AGTPBP1: variants seen among roughly 807,000 people sequenced by gnomAD.
AGTPBP1 encodes ATP/GTP binding carboxypeptidase 1, also known as cytosolic carboxypeptidase 1.
Under a neutral mutation model 143.9 loss-of-function variants are expected in AGTPBP1, and 70 were observed. That is an observed-to-expected ratio of 0.49 (90% CI 0.40 to 0.59). The LOEUF (loss-of-function observed/expected upper bound fraction) is 0.59, where lower values mean the gene tolerates loss of function less well. Ranked by LOEUF, AGTPBP1 falls within the 20% of genes least tolerant of loss-of-function variation. The pLI, the probability that AGTPBP1 is intolerant of heterozygous loss-of-function variation, is 0.00. For missense variants in AGTPBP1, 1,229 were observed against 1,464.5 expected, an observed-to-expected ratio of 0.84 and a Z score of 2.62; for synonymous variants, 463 against 500.2, an observed-to-expected ratio of 0.93 and a Z score of 0.99.
In AGTPBP1 at chr9:85,679,356, G is replaced by A. The variant is rs369697095; in HGVS notation, c.226-958C>T. Among the ~76,000 whole-genome samples, 10 of 151,984 alleles carry A rather than the reference G, an allele frequency of 6.6e-5. 1 individual carries two copies. The highest frequency in any genetic ancestry group is 2.4e-4 in the African/African-American group (10 of 41,436). On this transcript the variant is annotated intron_variant, in intron 4 of 25. Coordinates refer to ENST00000357081, the MANE Select transcript of AGTPBP1 (RefSeq NM_001330701.2). ...TGAGAACTGAGCATAGCCTTTACAT[G>A]GTTTTTGAAGTGTTTTTTTTTGTTG...
chr9:85,775,491 AG>A, the AGTPBP1 span, among the ~76,000 whole-genome samples: 1 of 148,802 alleles, frequency 6.7e-6, no homozygotes, highest in South Asian at 2.1e-4. Context: ...GGATCTCTAA[AG>A]GGACAGAATA....
At chr9:85,631,579 A>C (rs117496057) in intron 14 of AGTPBP1, among the ~76,000 whole-genome samples, 2,512 of 152,308 alleles carry the variant, frequency 0.016, 33 homozygotes, top group Admixed American at 0.025. Flanking sequence ...ACGTCTGTGG[A>C]TCAAGGGGCC....
chr9:85,556,982 A>AC (rs1478923223), intron 25 of AGTPBP1, among the ~76,000 whole-genome samples: 1 of 152,186 alleles, frequency 6.6e-6, no homozygotes, highest in Admixed American at 6.5e-5. Flanking sequence ...ATGGAATCCT[A>AC]CAACCAGCAA....
Position 85,592,607 on chromosome 9 carries a change from C to T in AGTPBP1, c.2521G>A (p.Val841Ile). ...FTVNFPHKDD[V>I]CYFAYHYPYT... ...GGATAGTGATAAGCAAAGTAGCAAACATCATCTTTATGTGGAAAATTGACA... is the reference window on the plus strand; with the variant it reads ...GGATAGTGATAAGCAAAGTAGCAAATATCATCTTTATGTGGAAAATTGACA... Residue 841 changes from valine (V) to isoleucine (I), a missense_variant, in exon 19 of 26, where the codon GTT (valine) becomes ATT (isoleucine). Physicochemically the swap from Val to Ile is conservative, Grantham distance 29 (BLOSUM62 3). Coordinates refer to ENST00000357081, the MANE Select transcript of AGTPBP1 (RefSeq NM_001330701.2). The T allele has an allele frequency of 6.2e-7, 1 of 1,611,814 alleles. No individual in the cohort carries two copies. Among genetic ancestry groups the T allele is most frequent in the Non-Finnish European group, 8.5e-7 (1 of 1,179,118 alleles).
At chr9:85,664,855 T>C (rs909894968) in intron 8 of AGTPBP1, among the ~76,000 whole-genome samples, 2 of 152,180 alleles carry the variant, frequency 1.3e-5, no homozygotes, top group African/African-American at 4.8e-5. Flanking sequence ...CAATGCAATA[T>C]GTTTCTTACC....
chr9:85,663,965 C>G (rs959096196), intron 8 of AGTPBP1, among the ~76,000 whole-genome samples: 1 of 152,088 alleles, frequency 6.6e-6, no homozygotes, highest in African/African-American at 2.4e-5. Flanking sequence ...GTGACTACTA[C>G]TCAACAATAA....
At chr9:85,722,358 T>G (rs1308533673) in intron 1 of AGTPBP1, among the ~76,000 whole-genome samples, 1 of 152,232 alleles carries the variant, frequency 6.6e-6, no homozygotes, top group Non-Finnish European at 1.5e-5. Context: ...TCTTGGAGGC[T>G]TTCTTCGTTT....
the AGTPBP1 span, among the ~76,000 whole-genome samples, chr9:85,802,464 C>T: frequency 6.6e-6 from 1 of 152,070 alleles, no homozygotes; most frequent in Non-Finnish European, 1.5e-5. Flanking sequence ...TGGCTAGCCT[C>T]ACTATAAATT....
chr9:85,628,698 T>C (rs1403867948), intron 14 of AGTPBP1, among the ~76,000 whole-genome samples: 1 of 151,874 alleles, frequency 6.6e-6, no homozygotes, highest in African/African-American at 2.4e-5. Flanking sequence ...ACAGAGTTGG[T>C]TGTTTTTGTT....
chr9:85,723,870 T>C lies in AGTPBP1; in HGVS notation c.-33-11304A>G, dbSNP rs1838292857. Among the ~76,000 whole-genome samples the C allele has an allele frequency of 2.0e-5, 3 of 152,136 alleles. No individual in the cohort carries two copies. The South Asian group carries it at 6.2e-4, about 32-fold the overall frequency. ...AAAAGAAACCCTAGAGAAAAAGCTC[T>C]TCCCTCCCACCATGTGAGCACACAA... On this transcript the variant is annotated intron_variant, in intron 1 of 25. Transcript: ENST00000357081.
chr9:85,677,125 T>C lies in AGTPBP1; in HGVS notation c.436+311A>G, dbSNP rs923926605. Among the ~76,000 whole-genome samples, 22 of 152,218 alleles carry C rather than the reference T, an allele frequency of 1.4e-4. 1 individual carries two copies. The highest frequency in any genetic ancestry group is 5.3e-4 in the African/African-American group (22 of 41,530). ...GGAATAACATCCAGTGGTAACACAATAGGGCAAGTATAGCTAATAATAATT... is the reference window on the plus strand; with the variant it reads ...GGAATAACATCCAGTGGTAACACAACAGGGCAAGTATAGCTAATAATAATT... On this transcript the variant is annotated intron_variant, in intron 6 of 25. Coordinates refer to ENST00000357081, the MANE Select transcript of AGTPBP1 (RefSeq NM_001330701.2).
intron 14 of AGTPBP1, among the ~76,000 whole-genome samples, chr9:85,630,011 T>C (rs967616060): frequency 2.0e-5 from 3 of 152,202 alleles, no homozygotes; most frequent in African/African-American, 7.2e-5. Flanking sequence ...ATACTTTCAG[T>C]TTGAGGCAAT....
chr9:85,621,269 C>G lies in AGTPBP1; in HGVS notation c.2032G>C (p.Asp678His). The change falls in exon 15 of 26, where the codon GAT becomes CAT. Residue 678 changes from aspartate (D) to histidine (H), a missense_variant. By Grantham distance (81) the Asp-to-His change is moderately conservative. Around this residue, in one of 2 missense-constraint regions of AGTPBP1, gnomAD observed 743 missense variants for 812.2 expected, o/e 0.91. Coordinates refer to ENST00000357081, the MANE Select transcript of AGTPBP1 (RefSeq NM_001330701.2). ...CTCTGATGTATTAGCCTTTCAATAT[C>G]TTGAGCAATTTTTGTCCTGAAATCA... Reference protein sequence around the residue: ...YGVQRTKIAQDIERLIHQSDI... With the variant: ...YGVQRTKIAQHIERLIHQSDI... The G allele has an allele frequency of 6.9e-7, 1 of 1,444,418 alleles. No individual in the cohort carries two copies. 89.5% of individuals were successfully genotyped at this position (1,444,418 alleles called of 1,614,324 possible).
In AGTPBP1 at chr9:85,588,300, T is replaced by G. The variant is rs987566920; in HGVS notation, c.2901A>C (p.Gly967=). 1 of 1,597,876 alleles carries G rather than the reference T, an allele frequency of 6.3e-7. No individual in the cohort carries two copies. The highest frequency in any genetic ancestry group is 1.3e-5 in the African/African-American group (1 of 74,088). The change falls in exon 21 of 26, where the codon GGA becomes GGC. Residue 967 remains glycine, a splice_region_variant and synonymous_variant. Transcript: ENST00000357081. ...TCTACAACTATTGCTTAACTTACTT[T>G]CCATTGATGACACCATCTGGATTTA... ...PMLNPDGVIN[G]NHRCSLSGED...
chr9:85,765,811 A>G, the AGTPBP1 span, among the ~76,000 whole-genome samples: 1 of 152,224 alleles, frequency 6.6e-6, no homozygotes, highest in South Asian at 2.1e-4. Context: ...AGGGCTAGTT[A>G]AGAAATAGGA....
intron 4 of AGTPBP1, among the ~76,000 whole-genome samples, chr9:85,679,963 T>G (rs1835067753): frequency 6.6e-6 from 1 of 152,198 alleles, no homozygotes; most frequent in South Asian, 2.1e-4. Context: ...CATATGGAAT[T>G]TATTTGGGTG....
At chr9:85,662,372 G>A (rs1223809851) in intron 8 of AGTPBP1, among the ~76,000 whole-genome samples, 1 of 152,132 alleles carries the variant, frequency 6.6e-6, no homozygotes, top group Non-Finnish European at 1.5e-5. Context: ...TGAAGTGTTG[G>A]TGAGTTAAAA....
chr9:85,637,526 A>G (rs1016069776), intron 13 of AGTPBP1, among the ~76,000 whole-genome samples: 5 of 152,192 alleles, frequency 3.3e-5, no homozygotes, highest in Non-Finnish European at 7.3e-5. Context: ...GTAAACCTCA[A>G]AAACATATGC....
the AGTPBP1 span, among the ~76,000 whole-genome samples, chr9:85,771,892 C>T: frequency 7.9e-5 from 12 of 152,130 alleles, no homozygotes; most frequent in East Asian, 1.9e-3. Flanking sequence ...ATCACCTGAC[C>T]TCATGATCCG....
Sources: allele counts gnomAD v4.1 joint callset (sites outside exome capture counted in the v4.1 genomes callset), GRCh38; gene constraint gnomAD v4.1.1; regional missense constraint gnomAD v4.1.1; transcripts MANE v1.5; gene names NCBI Gene and HGNC (gene_info 2026-07-23, HGNC 2026-07-21).